The following XRCC6 variants were observed in gnomAD, a reference collection of about 807,000 sequenced individuals.
XRCC6 encodes X-ray repair cross complementing 6.
Under a neutral mutation model 65.7 loss-of-function variants are expected in XRCC6, and 5 were observed. That is an observed-to-expected ratio of 0.08 (90% CI 0.04 to 0.16). The LOEUF (loss-of-function observed/expected upper bound fraction) is 0.16. XRCC6 is among the 10% of genes least tolerant of loss of function. XRCC6 has a pLI of 1.00. For missense variants in XRCC6, 447 were observed against 738.1 expected (o/e 0.61, Z 4.57); for synonymous variants, 270 against 270.6 (o/e 1.00, Z 0.02).
chr22:41,630,809 C>CA (rs1363800269), intron 3 of XRCC6, among the ~76,000 whole-genome samples: 5 of 152,150 alleles, frequency 3.3e-5, no homozygotes, highest in African/African-American at 1.2e-4. Context: ...GATCCCAAGG[C>CA]AGAAGAATTT....
rs778311440 is a variant in XRCC6 at position 41,636,592 on chromosome 22, C to T, written c.411C>T (p.His137=). The T allele has an allele frequency of 2.1e-5, 34 of 1,613,908 alleles. No individual in the cohort carries two copies. In the South Asian group the frequency reaches 2.5e-4, roughly 12 times the overall value. ...AACGTTTCCAAGACATGATGGGCCA[C>T]GGATCTGACTACTCACTCAGTGAAG... ...GQKRFQDMMG[H]GSDYSLSEVL... is the part of the protein sequence containing the mutation. Residue 137 remains histidine (H), a synonymous_variant, in exon 5 of 13, where the codon CAC becomes CAT. Coordinates refer to ENST00000360079, the MANE Select transcript of XRCC6 (RefSeq NM_001469.5).
At chr22:41,649,096 G>A (rs1313920691) in intron 7 of XRCC6, among the ~76,000 whole-genome samples, 18 of 139,604 alleles carry the variant, frequency 1.3e-4, no homozygotes, top group Admixed American at 6.5e-4. Context: ...TTAGCCAGGC[G>A]TGGTGGTGCA....
At chr22:41,647,875 A>G (rs1394227798) in intron 7 of XRCC6, among the ~76,000 whole-genome samples, 1 of 152,114 alleles carries the variant, frequency 6.6e-6, no homozygotes, top group Admixed American at 6.6e-5. Context: ...ACCTAACCCA[A>G]GATGCTTTCT....
intron 11 of XRCC6, among the ~76,000 whole-genome samples, chr22:41,659,085 G>A (rs1342268499): frequency 6.6e-6 from 1 of 152,096 alleles, no homozygotes. Context: ...CCGAGCAGTT[G>A]GTCCCCGCCC....
intron 7 of XRCC6, among the ~76,000 whole-genome samples, chr22:41,649,664 C>A (rs1018885776): frequency 4.0e-5 from 6 of 151,640 alleles, no homozygotes; most frequent in South Asian, 2.1e-4. Flanking sequence ...ACCATCCCGG[C>A]TAACACAGTG....
chr22:41,625,281 C>A (rs1211966577), intron 2 of XRCC6, among the ~76,000 whole-genome samples: 2 of 152,184 alleles, frequency 1.3e-5, no homozygotes, highest in Admixed American at 1.3e-4. Context: ...GTTTAAGGTT[C>A]TTGACACACA....
intron 3 of XRCC6, among the ~76,000 whole-genome samples, chr22:41,629,983 C>CTTTT (rs60191841): frequency 3.2e-5 from 3 of 93,552 alleles, no homozygotes; most frequent in Non-Finnish European, 4.5e-5. Context: ...TGCATTTATG[C>CTTTT]TTTTTTTTTT....
chr22:41,630,461 T>G (rs992509448), intron 3 of XRCC6, among the ~76,000 whole-genome samples: 2 of 151,696 alleles, frequency 1.3e-5, no homozygotes, highest in African/African-American at 4.8e-5. Context: ...AAATCTAAAT[T>G]TCAGCTTAAT....
intron 9 of XRCC6, among the ~76,000 whole-genome samples, chr22:41,656,502 G>C (rs1467634315): frequency 6.6e-6 from 1 of 150,512 alleles, no homozygotes; most frequent in East Asian, 1.9e-4. Flanking sequence ...GGCGACAAGA[G>C]TGAAACTCCA....
At position 41,663,816 on chromosome 22, in the gene XRCC6, C is replaced by T. The variant is rs2068122425; in HGVS notation, c.*1C>T. Reference sequence around the variant, plus strand: ...CCTCACCAAGCACTTCCAGGACTGACCAGAGGCCGCGCGTCCAGCTGCCCT... The same window carrying T: ...CCTCACCAAGCACTTCCAGGACTGATCAGAGGCCGCGCGTCCAGCTGCCCT... On this transcript the variant is annotated 3_prime_UTR_variant, in exon 13 of 13. Transcript: ENST00000360079. 1.4e-5 allele frequency: 22 copies of T among 1,609,256 alleles called. No individual in the cohort carries two copies. Among genetic ancestry groups the T allele is most frequent in the Non-Finnish European group, 1.9e-5 (22 of 1,176,934 alleles).
At chr22:41,628,833 G>T (rs901640731) in intron 3 of XRCC6, among the ~76,000 whole-genome samples, 1 of 151,856 alleles carries the variant, frequency 6.6e-6, no homozygotes, top group Non-Finnish European at 1.5e-5. Flanking sequence ...AGGCATGGTG[G>T]TGCGCTTCTG....
At chr22:41,653,493 T>G (rs988708667) in intron 8 of XRCC6, 36 bp from the exon 9 acceptor site, 3 of 1,539,442 alleles carry the variant, frequency 1.9e-6, no homozygotes, top group South Asian at 2.5e-5. Context: ...AGGAAACCTT[T>G]TTAGGAGGCT....
At position 41,663,511 on chromosome 22, in the gene XRCC6, A is replaced by G. The variant is rs1449385766; in HGVS notation, c.1637-111A>G. On this transcript the variant is annotated intron_variant, in intron 12 of 12. Coordinates refer to ENST00000360079, the MANE Select transcript of XRCC6 (RefSeq NM_001469.5). ...CCATGGTGTCCTAGGCTGGCATCACAGCTTTATGGTTAATTGCAGCCCAGA... is the reference window on the plus strand; with the variant it reads ...CCATGGTGTCCTAGGCTGGCATCACGGCTTTATGGTTAATTGCAGCCCAGA... The G allele has an allele frequency of 2.4e-6, 3 of 1,260,440 alleles. No homozygotes were observed. In the East Asian group the frequency reaches 7.0e-5, roughly 30 times the overall value. 78.1% of individuals were successfully genotyped at this position (1,260,440 alleles called of 1,614,324 possible).
intron 2 of XRCC6, among the ~76,000 whole-genome samples, chr22:41,623,332 G>A (rs1418028225): frequency 1.3e-5 from 2 of 152,016 alleles, no homozygotes; most frequent in African/African-American, 2.4e-5. Context: ...CCAAGCCTTG[G>A]CCTCCCAAAG....
At chr22:41,637,567 A>G in intron 5 of XRCC6, 41 bp from the exon 6 acceptor site, 2 of 1,486,216 alleles carry the variant, frequency 1.3e-6, no homozygotes, top group Non-Finnish European at 1.8e-6. Flanking sequence ...CTTGCTGAAA[A>G]TTGTTTTTTC....
chr22:41,623,774 G>C (rs995257327), intron 2 of XRCC6, among the ~76,000 whole-genome samples: 5 of 152,098 alleles, frequency 3.3e-5, no homozygotes. Flanking sequence ...AGGCTGGAGT[G>C]CACTGACTCA....
At chr22:41,631,088 G>A (rs1197752478) in intron 3 of XRCC6, among the ~76,000 whole-genome samples, 1 of 151,126 alleles carries the variant, frequency 6.6e-6, no homozygotes, top group African/African-American at 2.4e-5. Context: ...GGCCGGGTGG[G>A]GGGATGACCC....
At chr22:41,655,573 G>T (rs766033250) in intron 9 of XRCC6, among the ~76,000 whole-genome samples, 3 of 151,914 alleles carry the variant, frequency 2.0e-5, no homozygotes, top group Non-Finnish European at 4.4e-5. Flanking sequence ...GTGGTGGCAG[G>T]CTCCTGTAGT....
chr22:41,622,121 G>T, intron 2 of XRCC6, 35 bp downstream of exon 2: 1 of 1,609,712 alleles, frequency 6.2e-7, no homozygotes, highest in Non-Finnish European at 8.5e-7. Context: ...CATTCGGTGT[G>T]TGGAAGAAAG....
Sources: allele counts gnomAD v4.1 joint callset (sites outside exome capture counted in the v4.1 genomes callset), GRCh38; gene constraint gnomAD v4.1.1; transcripts MANE v1.5; gene names NCBI Gene and HGNC (gene_info 2026-07-23, HGNC 2026-07-21).